Variants in PCDH15 observed in about 807,000 individuals in gnomAD.
PCDH15 encodes the protein protocadherin-15.
PCDH15 carries 129 observed loss-of-function variants against 178.5 expected under a neutral mutation model. That is an observed-to-expected ratio of 0.72 (90% CI 0.63 to 0.84). PCDH15 has a LOEUF of 0.84. Ranked by LOEUF, PCDH15 falls within the 40% of genes least tolerant of loss-of-function variation. The pLI is 0.00. For missense variants in PCDH15, 2,230 were observed against 2,099.9 expected (o/e 1.06, Z -1.21); for synonymous variants, 800 against 732.0 (o/e 1.09, Z -1.50).
At chr10:55,608,980 T>A (rs1843294062) in intron 2 of PCDH15, among the ~76,000 whole-genome samples, 1 of 151,276 alleles carries the variant, frequency 6.6e-6, no homozygotes, top group Admixed American at 6.6e-5. Context: ...CAAAAGCGAT[T>A]GTCTATGGGA....
intron 1 of PCDH15, among the ~76,000 whole-genome samples, chr10:55,202,972 T>C (rs1840296827): frequency 6.6e-6 from 1 of 152,184 alleles, no homozygotes; most frequent in Non-Finnish European, 1.5e-5. Context: ...GTCTTGGGTA[T>C]TTTATAGCAG....
At chr10:53,809,638 G>A (rs1284880164) in intron 37 of PCDH15, 16 of 1,212,072 alleles carry the variant, frequency 1.3e-5, no homozygotes, top group South Asian at 2.9e-5. Context: ...ATGAATCTGT[G>A]GGTGATAGCT....
chr10:54,436,147 A>AAGGAAGGAAGAAAGGAAGGAAGG (rs2075404387), intron 3 of PCDH15, among the ~76,000 whole-genome samples: 1 of 148,870 alleles, frequency 6.7e-6, no homozygotes, highest in Non-Finnish European at 1.5e-5. Context: ...GAAAGAAAGA[A>AAGGAAGGAAGAAAGGAAGGAAGG]AGGAAGGAAG....
intron 2 of PCDH15, among the ~76,000 whole-genome samples, chr10:55,507,526 T>A (rs1307081868): frequency 6.6e-6 from 1 of 151,570 alleles, no homozygotes; most frequent in Non-Finnish European, 1.5e-5. Context: ...CCAAGTAACT[T>A]GAGTTTTCTT....
At chr10:55,090,975 C>T (rs1164670324) in intron 2 of PCDH15, among the ~76,000 whole-genome samples, 1 of 151,896 alleles carries the variant, frequency 6.6e-6, no homozygotes, top group Admixed American at 6.6e-5. Flanking sequence ...CAGAACTGTG[C>T]TCCATGAAAC....
intron 25 of PCDH15, among the ~76,000 whole-genome samples, chr10:53,905,577 T>C (rs1270516279): frequency 6.6e-6 from 1 of 152,128 alleles, no homozygotes; most frequent in African/African-American, 2.4e-5. Context: ...CCTCAGGTGA[T>C]TCACCCACCT....
chr10:55,090,568 G>A (rs1332176376), intron 2 of PCDH15, among the ~76,000 whole-genome samples: 2 of 151,980 alleles, frequency 1.3e-5, no homozygotes, highest in African/African-American at 4.8e-5. Flanking sequence ...TAGGAGACTA[G>A]AACGACTCAC....
intron 3 of PCDH15, among the ~76,000 whole-genome samples, chr10:54,449,407 C>T (rs1006301074): frequency 6.6e-6 from 1 of 151,596 alleles, no homozygotes. Context: ...AGAAACATTC[C>T]CACATTGCCA....
At chr10:54,793,252 C>T (rs780018957) in intron 1 of PCDH15, among the ~76,000 whole-genome samples, 1 of 151,850 alleles carries the variant, frequency 6.6e-6, no homozygotes, top group Non-Finnish European at 1.5e-5. Flanking sequence ...CCTCCACACC[C>T]ATTCTGCAGC....
At chr10:55,034,436 AAT>A (rs1840687488) in intron 2 of PCDH15, among the ~76,000 whole-genome samples, 1 of 152,190 alleles carries the variant, frequency 6.6e-6, no homozygotes, top group Admixed American at 6.5e-5. Context: ...ACTTGAGACA[AAT>A]ATATAAATCT....
intron 14 of PCDH15, among the ~76,000 whole-genome samples, chr10:54,146,068 C>T (rs2043876675): frequency 6.6e-6 from 1 of 151,880 alleles, no homozygotes; most frequent in South Asian, 2.1e-4. Context: ...TTTCTAGTAC[C>T]TCCCCAAGAG....
At chr10:55,574,518 G>A (rs927195702) in intron 2 of PCDH15, among the ~76,000 whole-genome samples, 2 of 151,882 alleles carry the variant, frequency 1.3e-5, no homozygotes, top group African/African-American at 4.8e-5. Flanking sequence ...GCAACATGAA[G>A]GATAATGTAG....
intron 1 of PCDH15, among the ~76,000 whole-genome samples, chr10:54,666,340 C>G (rs773780202): frequency 6.6e-6 from 1 of 152,056 alleles, no homozygotes; most frequent in African/African-American, 2.4e-5. Context: ...AGGTTATAAA[C>G]TGGTGAGTGT....
intron 20 of PCDH15, among the ~76,000 whole-genome samples, chr10:54,000,926 G>C (rs577629084): frequency 6.6e-6 from 1 of 152,198 alleles, no homozygotes; most frequent in South Asian, 2.1e-4. Flanking sequence ...ATAAATAAAG[G>C]ATCCTAAAGG....
chr10:54,336,946 C>T (rs1588897529), intron 6 of PCDH15, among the ~76,000 whole-genome samples: 1 of 152,070 alleles, frequency 6.6e-6, no homozygotes, highest in African/African-American at 2.4e-5. Context: ...GTGGAGCTGC[C>T]CAAGACCATG....
chr10:54,785,629 C>T (rs1413366806), intron 1 of PCDH15, among the ~76,000 whole-genome samples: 1 of 151,946 alleles, frequency 6.6e-6, no homozygotes, highest in African/African-American at 2.4e-5. Flanking sequence ...TGGGTAGCAA[C>T]ATGAACGCAA....
At chr10:54,889,500 G>GAGATATATATAT (rs1554811033) in intron 3 of PCDH15, among the ~76,000 whole-genome samples, 1 of 142,008 alleles carries the variant, frequency 7.0e-6, no homozygotes, top group African/African-American at 2.5e-5. Context: ...TAATTGTGAA[G>GAGATATATATAT]ATATATATAT....
chr10:54,196,540 A>G (rs1352306285), intron 10 of PCDH15, among the ~76,000 whole-genome samples: 1 of 152,210 alleles, frequency 6.6e-6, no homozygotes, highest in Non-Finnish European at 1.5e-5. Flanking sequence ...TGTACCGCTG[A>G]TAAAATATTT....
chr10:54,652,115 G>A (rs1205596079), intron 2 of PCDH15, among the ~76,000 whole-genome samples: 1 of 152,136 alleles, frequency 6.6e-6, no homozygotes, highest in Non-Finnish European at 1.5e-5. Flanking sequence ...ATATTCCCTT[G>A]TACTGCCCCA....
Sources: allele counts gnomAD v4.1 joint callset (sites outside exome capture counted in the v4.1 genomes callset), GRCh38; gene constraint gnomAD v4.1.1; transcripts MANE v1.5; gene names NCBI Gene and HGNC (gene_info 2026-07-23, HGNC 2026-07-21).